The following CATSPERZ variants were observed in gnomAD, a reference collection of about 807,000 sequenced individuals.
The protein encoded by CATSPERZ is cation channel sperm-associated auxiliary subunit zeta.
CATSPERZ carries 21 observed loss-of-function variants against 21.7 expected under a neutral mutation model. That is an observed-to-expected ratio of 0.97 (90% CI 0.69 to 1.39). The LOEUF is 1.39. Among genes scored for constraint, CATSPERZ ranks in the 40% most tolerant of loss-of-function variants. CATSPERZ has a pLI of 0.00. For synonymous variants in CATSPERZ, 127 were observed against 108.7 expected (o/e 1.17, Z -1.05); for missense variants, 234 against 259.5 (o/e 0.90, Z 0.68).
Position 64,300,444 on chromosome 11 carries a change from C to T in CATSPERZ, c.21+13C>T. The T allele has an allele frequency of 6.6e-7, 1 of 1,524,250 alleles. No homozygotes were observed. The highest frequency in any genetic ancestry group is 8.9e-7 in the Non-Finnish European group (1 of 1,123,718). The allele number at this position is 1,524,250 out of a possible 1,614,324, so 94.4% of individuals were successfully genotyped here. A position where few individuals can be genotyped will look rare whatever the true frequency, so the allele number is the denominator to read the frequency against. ...AAAGCCTTCGAAAGTAAGACGTCTC[C>T]CTAGGCCCCTTACCCTGTCCGCTCC... On this transcript the variant is annotated intron_variant, in intron 1 of 4. Transcript: ENST00000328404.
rs528645902 is a variant in CATSPERZ, at chr11:64,303,280, CTG to C, written c.353-199_353-198del. Among the ~76,000 whole-genome samples, 247 of 152,264 alleles carry C rather than the reference CTG, an allele frequency of 1.6e-3. 4 individuals carry two copies. The Middle Eastern group carries it at 0.034, about 21-fold the overall frequency. On this transcript the variant is annotated intron_variant, in intron 2 of 4. Coordinates refer to ENST00000328404, the MANE Select transcript of CATSPERZ (RefSeq NM_001039496.2). ...TCAGTCACTGGTCCTAAGTGTCACA[CTG>C]TGGGGCAGTCATTACTGGAACCATG...
intron 3 of CATSPERZ, 104 bp from the exon 4 acceptor site, chr11:64,303,669 C>T (rs2034964808): frequency 1.6e-6 from 2 of 1,272,524 alleles, no homozygotes; most frequent in Admixed American, 2.8e-5. Context: ...GAGGGGCAGG[C>T]AGGCTGGTTG....
chr11:64,302,522 C>T (rs902839159), intron 2 of CATSPERZ, among the ~76,000 whole-genome samples: 2 of 152,038 alleles, frequency 1.3e-5, no homozygotes, highest in African/African-American at 2.4e-5. Context: ...CCTCGTGATC[C>T]GCCCACCTCG....
At chr11:64,303,750 T>G (rs1473900938) in intron 3 of CATSPERZ, 23 bp from the exon 4 acceptor site, 2 of 1,584,098 alleles carry the variant, frequency 1.3e-6, no homozygotes, top group East Asian at 2.3e-5. Context: ...CCTGGACGCC[T>G]AAGCCTCTTG....
At chr11:64,304,471 C>T (rs2034982898) in intron 4 of CATSPERZ, 72 bp from the exon 5 acceptor site, 2 of 1,195,252 alleles carry the variant, frequency 1.7e-6, no homozygotes, top group Non-Finnish European at 2.4e-6. Context: ...TCGAATCACA[C>T]ATGCGGCGCC....
At chr11:64,304,079 T>C (rs1005556027) in intron 4 of CATSPERZ, among the ~76,000 whole-genome samples, 2 of 152,216 alleles carry the variant, frequency 1.3e-5, no homozygotes, top group African/African-American at 4.8e-5. Context: ...GCAGCCCCTC[T>C]CCAGCTGAGG....
Position 64,304,559 on chromosome 11 carries a change from C to A in CATSPERZ, c.516C>A (p.Ile172=), listed in dbSNP as rs573178727. The A allele has an allele frequency of 5.7e-6, 9 of 1,585,812 alleles. No homozygotes were observed. The highest frequency in any genetic ancestry group is 1.3e-5 in the African/African-American group (1 of 74,284). The change falls in exon 5 of 5, where the codon ATC becomes ATA. Residue 172 remains isoleucine, a synonymous_variant. Coordinates refer to ENST00000328404, the MANE Select transcript of CATSPERZ (RefSeq NM_001039496.2). ...TCCTCCTAGGCTACCAGTTAGGGATCGGCAGGGACCACTTCCTGACTAAGG... is the reference window on the plus strand; with the variant it reads ...TCCTCCTAGGCTACCAGTTAGGGATAGGCAGGGACCACTTCCTGACTAAGG... The part of the protein sequence containing the change: ...TKALRSYQLG[I]GRDHFLTKEL...
At chr11:64,302,386 T>C (rs2034940418) in intron 2 of CATSPERZ, among the ~76,000 whole-genome samples, 2 of 152,174 alleles carry the variant, frequency 1.3e-5, no homozygotes. Context: ...GTTCACACCA[T>C]TCTCCTGCCT....
At chr11:64,301,077 T>C in intron 2 of CATSPERZ, 90 bp downstream of exon 2, 1 of 1,223,598 alleles carries the variant, frequency 8.2e-7, no homozygotes, top group Non-Finnish European at 1.1e-6. Context: ...GGGGGGAAGC[T>C]GATGGGATCC....
In CATSPERZ at chr11:64,300,784, AG is replaced by A; in HGVS notation, c.152del (p.Gly51AlafsTer99). ...QLNMPLSEVCEGFDEEGRNIS... is the reference protein window; with the variant it reads ...QLNMPLSEVCXGFDEEGRNIS... ...AACATGCCGCTGTCCGAGGTCTGCG[AG>A]GGCTTCGACGAGGAGGGCCGCAACA... On this transcript the variant is annotated frameshift_variant, in exon 2 of 5. Transcript: ENST00000328404. LOFTEE classifies it high-confidence loss of function. 1 of 1,555,648 alleles carries A rather than the reference AG, an allele frequency of 6.4e-7. No individual in the cohort carries two copies. Among genetic ancestry groups the A allele is most frequent in the Non-Finnish European group, 8.7e-7 (1 of 1,150,138 alleles).
intron 3 of CATSPERZ, 22 bp downstream of exon 3, chr11:64,303,583 G>A: frequency 6.2e-7 from 1 of 1,609,110 alleles, no homozygotes; most frequent in African/African-American, 1.3e-5. Flanking sequence ...TGGGGAGACT[G>A]GGCGTTTCGG....
At chr11:64,303,686 TG>T in intron 3 of CATSPERZ, 86 bp from the exon 4 acceptor site, 2 of 957,810 alleles carry the variant, frequency 2.1e-6, no homozygotes, top group Non-Finnish European at 1.3e-6. Flanking sequence ...GTTGGGGGTT[TG>T]GGGGCCACAG....
intron 3 of CATSPERZ, 65 bp from the exon 4 acceptor site, chr11:64,303,708 G>T: frequency 6.5e-7 from 1 of 1,534,076 alleles, no homozygotes; most frequent in South Asian, 1.2e-5. Context: ...GGAGGAGGTG[G>T]GGGCATTTCA....
rs528994793 is a variant in CATSPERZ, at chr11:64,304,117, C to T, written c.499+278C>T. Among the ~76,000 whole-genome samples, 12 of 152,328 alleles carry T rather than the reference C, an allele frequency of 7.9e-5. No individual in the cohort carries two copies. The South Asian group carries it at 1.7e-3, about 21-fold the overall frequency. ...GGCTTTTCTGTGGCTGTTTCTCCAC[C>T]TGCACAGTGGGATGACCGCCTTGGT... On this transcript the variant is annotated intron_variant, in intron 4 of 4. Coordinates refer to ENST00000328404, the MANE Select transcript of CATSPERZ (RefSeq NM_001039496.2).
intron 2 of CATSPERZ, among the ~76,000 whole-genome samples, chr11:64,301,213 A>G (rs1314029026): frequency 2.0e-5 from 3 of 152,256 alleles, no homozygotes; most frequent in Admixed American, 1.3e-4. Flanking sequence ...TGACGCGCAG[A>G]GTCCGGGGAA....
intron 2 of CATSPERZ, among the ~76,000 whole-genome samples, chr11:64,302,826 C>A (rs2034948151): frequency 6.6e-6 from 1 of 151,836 alleles, no homozygotes; most frequent in Non-Finnish European, 1.5e-5. Context: ...CCACCTTGGC[C>A]TCCCGAAGTG....
At position 64,303,502 on chromosome 11, in the gene CATSPERZ, T is replaced by C; in HGVS notation, c.373T>C (p.Ser125Pro). 6.2e-7 allele frequency: 1 copy of C among 1,613,254 alleles called. No individual in the cohort carries two copies. Among genetic ancestry groups the C allele is most frequent in the South Asian group, 1.1e-5 (1 of 90,928 alleles). ...IEAEKSSSMS[S>P]LNIAKHMPHR... ...CCCAGAAAAGTCTTCCTCAATGTCA[T>C]CACTCAATATTGCGAAGCACATGCC... Residue 125 changes from serine to proline, a missense_variant, in exon 3 of 5, where the codon TCA (serine) becomes CCA (proline). By Grantham distance (74) the Ser-to-Pro change is moderately conservative. Coordinates refer to ENST00000328404, the MANE Select transcript of CATSPERZ (RefSeq NM_001039496.2).
At position 64,300,568 on chromosome 11, in the gene CATSPERZ, A is replaced by T. The variant is rs2034905093; in HGVS notation, c.22-89A>T. On this transcript the variant is annotated intron_variant, in intron 1 of 4. Transcript: ENST00000328404. ...AACCCCACGTTCTACGGGATCCCCA[A>T]CCCGGCCCGGCTCAGTTCCCCAGCC... 4.6e-6 allele frequency: 7 copies of T among 1,520,646 alleles called. 1 individual carries two copies. The Admixed American group carries it at 1.4e-4, about 31-fold the overall frequency. The allele number at this position is 1,520,646 out of a possible 1,614,324, so 94.2% of individuals were successfully genotyped here.
chr11:64,302,518 G>T (rs1330294961), intron 2 of CATSPERZ, among the ~76,000 whole-genome samples: 1 of 152,106 alleles, frequency 6.6e-6, no homozygotes, highest in Non-Finnish European at 1.5e-5. Context: ...CTGACCTCGT[G>T]ATCCGCCCAC....
Sources: allele counts gnomAD v4.1 joint callset (sites outside exome capture counted in the v4.1 genomes callset), GRCh38; gene constraint gnomAD v4.1.1; transcripts MANE v1.5; gene names NCBI Gene and HGNC (gene_info 2026-07-23, HGNC 2026-07-21).